The following USP32 variants were observed in gnomAD, a reference collection of about 807,000 sequenced individuals.
The protein encoded by USP32 is ubiquitin specific peptidase 32.
Under a neutral mutation model 204.8 loss-of-function variants are expected in USP32, and 59 were observed. The ratio of observed to expected loss-of-function variants is 0.29; its 90% CI spans 0.23 to 0.36. USP32 has a LOEUF of 0.36. Among genes scored for constraint, USP32 ranks in the 10% least tolerant of loss-of-function variants. The pLI, the probability that USP32 is intolerant of heterozygous loss-of-function variation, is 1.00. For synonymous variants in USP32, 517 were observed against 678.4 expected (o/e 0.76, Z 3.70); for missense variants, 1,160 against 1,946.4 (o/e 0.60, Z 7.60).
At chr17:60,343,649 G>A (rs2088712856) in intron 2 of USP32, among the ~76,000 whole-genome samples, 1 of 152,220 alleles carries the variant, frequency 6.6e-6, no homozygotes, top group South Asian at 2.1e-4. Context: ...CACATTTAAA[G>A]CAGTGTGTAG....
chr17:60,178,704 T>C lies in USP32; in HGVS notation c.*551A>G, dbSNP rs1207743847. On this transcript the variant is annotated 3_prime_UTR_variant, in exon 34 of 34. Coordinates refer to ENST00000300896, the MANE Select transcript of USP32 (RefSeq NM_032582.4). ...AAGCAAGAAAGACAAAGAAAGGGTA[T>C]GGAAACAGTTTAAAAAATAAATTGA... is the stretch of plus-strand genomic sequence containing the variant. 6.6e-6 allele frequency among the ~76,000 whole-genome samples: 1 copy of C among 152,256 alleles called. No homozygotes were observed. Among genetic ancestry groups the C allele is most frequent in the Non-Finnish European group, 1.5e-5 (1 of 68,046 alleles).
chr17:60,226,285 G>A, intron 12 of USP32, 54 bp from the exon 13 acceptor site: 1 of 1,425,220 alleles, frequency 7.0e-7, no homozygotes, highest in Non-Finnish European at 9.3e-7. Flanking sequence ...TGACAACTAT[G>A]TAGTCTTCAG....
chr17:60,417,496 C>T lies in USP32; in HGVS notation c.106+4750G>A, dbSNP rs2090071403. Among the ~76,000 whole-genome samples the T allele has an allele frequency of 2.0e-5, 3 of 151,342 alleles. No homozygotes were observed. In the South Asian group the frequency reaches 6.3e-4, roughly 32 times the overall value. On this transcript the variant is annotated intron_variant, in intron 1 of 3. Transcript: ENST00000588898. ...GTGACAGAGTCTCGCTCTTGTCGCC[C>T]AGGCTGGAGTGCAGTGCCATGATCT...
At chr17:60,294,623 A>T (rs2087379161) in intron 4 of USP32, 60 bp downstream of exon 4, 2 of 1,102,100 alleles carry the variant, frequency 1.8e-6, no homozygotes, top group Non-Finnish European at 2.6e-6. Context: ...AACTTATTAC[A>T]CAACTAAGAG....
At chr17:60,278,752 C>T (rs1016715801) in intron 5 of USP32, among the ~76,000 whole-genome samples, 2 of 152,104 alleles carry the variant, frequency 1.3e-5, no homozygotes, top group Admixed American at 6.6e-5. Context: ...TCAGTCACAA[C>T]GTAGACATTT....
At chr17:60,217,293 C>A (rs1190753845) in intron 16 of USP32, among the ~76,000 whole-genome samples, 1 of 151,904 alleles carries the variant, frequency 6.6e-6, no homozygotes, top group Non-Finnish European at 1.5e-5. Context: ...CTCATGTTAT[C>A]TTTCTTTTAT....
In USP32 at chr17:60,177,466, C is replaced by T. The variant is rs2083994817; in HGVS notation, c.*1789G>A. 6.6e-6 allele frequency among the ~76,000 whole-genome samples: 1 copy of T among 152,102 alleles called. No individual in the cohort carries two copies. The highest frequency in any genetic ancestry group is 1.9e-4 in the East Asian group (1 of 5,194). The stretch of plus-strand genomic sequence containing the variant: ...AATAGTTAATTTAATAAATTTTCTG[C>T]TAGTTCATGAATTAAAAAAATTAAT... On this transcript the variant is annotated 3_prime_UTR_variant, in exon 34 of 34. Transcript: ENST00000300896.
At position 60,211,398 on chromosome 17, in the gene USP32, T is replaced by G; in HGVS notation, c.2296A>C (p.Arg766=). Residue 766 remains arginine (R), a synonymous_variant, in exon 20 of 34, where the codon AGA becomes CGA. Coordinates refer to ENST00000300896, the MANE Select transcript of USP32 (RefSeq NM_032582.4). Reference sequence around the variant, plus strand: ...TACCTGTTGAGTTCATAAAGATGTCTCCCTGAGATAAAATACTGTGTCAGT... The same window carrying G: ...TACCTGTTGAGTTCATAAAGATGTCGCCCTGAGATAAAATACTGTGTCAGT... ...QPLTQYFISG[R]HLYELNRTNP... 1 of 1,612,530 alleles carries G rather than the reference T, an allele frequency of 6.2e-7. No individual in the cohort carries two copies. The highest frequency in any genetic ancestry group is 8.5e-7 in the Non-Finnish European group (1 of 1,179,386).
At chr17:60,289,574 T>C (rs1451001634) in intron 4 of USP32, among the ~76,000 whole-genome samples, 1 of 152,246 alleles carries the variant, frequency 6.6e-6, no homozygotes, top group Non-Finnish European at 1.5e-5. Flanking sequence ...CTTTGCTTTC[T>C]TTCCAGGTAT....
In USP32 at chr17:60,358,894, C is replaced by G. The variant is rs192059743; in HGVS notation, c.59-13286G>C. Among the ~76,000 whole-genome samples, 201 of 152,272 alleles carry G rather than the reference C, an allele frequency of 1.3e-3. 1 individual carries two copies. The highest frequency in any genetic ancestry group is 4.5e-3 in the African/African-American group (188 of 41,546). ...ACTTGCCAAGATTGAGAATCTCTGG[C>G]TTAGGCCAAAAAGATTTAAAATGTT... On this transcript the variant is annotated intron_variant, in intron 1 of 33. Coordinates refer to ENST00000300896, the MANE Select transcript of USP32 (RefSeq NM_032582.4).
At chr17:60,276,607 A>G (rs2086845959) in intron 5 of USP32, among the ~76,000 whole-genome samples, 3 of 152,166 alleles carry the variant, frequency 2.0e-5, no homozygotes, top group African/African-American at 7.2e-5. Context: ...TTGAGAATAT[A>G]ATAGGTGTTC....
Position 60,226,030 on chromosome 17 carries a change from C to A in USP32, c.1432+9G>T. The A allele has an allele frequency of 6.3e-7, 1 of 1,592,510 alleles. No homozygotes were observed. Among genetic ancestry groups the A allele is most frequent in the South Asian group, 1.2e-5 (1 of 85,920 alleles). ...ACCAATAAACCTCAGGGGAATAGGT[C>A]ATATTTACCGCTGCCAGCAGTTTCT... On this transcript the variant is annotated intron_variant, in intron 13 of 33. Coordinates refer to ENST00000300896, the MANE Select transcript of USP32 (RefSeq NM_032582.4).
At chr17:60,365,076 A>T (rs560118606) in intron 1 of USP32, among the ~76,000 whole-genome samples, 1 of 152,346 alleles carries the variant, frequency 6.6e-6, no homozygotes, top group East Asian at 1.9e-4. Context: ...TATTTCAAAA[A>T]GGGAAAGTTT....
chr17:60,363,424 C>T (rs903888776), intron 1 of USP32, among the ~76,000 whole-genome samples: 4 of 132,316 alleles, frequency 3.0e-5, no homozygotes, highest in Non-Finnish European at 4.7e-5. Flanking sequence ...CACTGCACTT[C>T]GGCCTGGGTG....
intron 4 of USP32, 71 bp downstream of exon 4, chr17:60,294,612 A>C: frequency 1.0e-6 from 1 of 973,094 alleles, no homozygotes; most frequent in Non-Finnish European, 1.5e-6. Flanking sequence ...GTCATACTTA[A>C]AACTTATTAC....
intron 2 of USP32, among the ~76,000 whole-genome samples, chr17:60,312,715 C>CA (rs2087884474): frequency 6.6e-6 from 1 of 151,940 alleles, no homozygotes; most frequent in Non-Finnish European, 1.5e-5. Context: ...GTTAAAAAGG[C>CA]AAAAAATATA....
intron 26 of USP32, among the ~76,000 whole-genome samples, chr17:60,201,147 C>G (rs566316443): frequency 1.3e-5 from 2 of 152,090 alleles, no homozygotes. Flanking sequence ...TGTGAGCCAC[C>G]GTGCCTAGCC....
At chr17:60,231,611 G>A (rs1475858691) in intron 12 of USP32, 1 of 517,692 alleles carries the variant, frequency 1.9e-6, no homozygotes, top group African/African-American at 1.9e-5. Flanking sequence ...TGGCTAAGGA[G>A]AACAGGGACC....
chr17:60,253,714 C>T (rs2086226495), intron 10 of USP32, among the ~76,000 whole-genome samples: 1 of 151,970 alleles, frequency 6.6e-6, no homozygotes, highest in African/African-American at 2.4e-5. Flanking sequence ...TGCAATGAGC[C>T]CAGATCCCAA....
Sources: gnomAD v4.1 joint callset for allele counts (sites outside exome capture counted in the v4.1 genomes callset) on GRCh38, gnomAD v4.1.1 for gene constraint, MANE v1.5 for transcripts, NCBI Gene and HGNC (gene_info 2026-07-23, HGNC 2026-07-21) for gene names.